ROBO2: variants seen among roughly 807,000 people sequenced by gnomAD.
ROBO2 encodes the protein roundabout homolog 2.
In ROBO2, 53 loss-of-function variants were observed where a neutral mutation model predicts 160.8. That is an observed-to-expected ratio of 0.33 (90% CI 0.26 to 0.41). The LOEUF is 0.41. Among genes scored for constraint, ROBO2 ranks in the 10% least tolerant of loss-of-function variants. The probability of loss-of-function intolerance (pLI) is 1.00; values close to 1 mark genes in which losing one functional copy is unlikely to be tolerated. For missense variants in ROBO2, 1,577 were observed against 1,722.4 expected (o/e 0.92, Z 1.49); for synonymous variants, 664 against 611.7 (o/e 1.09, Z -1.26).
chr3:76,741,189 A>G (rs928057673), intron 2 of ROBO2, among the ~76,000 whole-genome samples: 5 of 152,188 alleles, frequency 3.3e-5, no homozygotes, highest in African/African-American at 1.2e-4. Context: ...CACCAGAAAC[A>G]CCTTGTTTAT....
rs141826647 is a variant in ROBO2, at chr3:76,707,017, CATAT to C, written c.110-390986_110-390983del. On this transcript the variant is annotated intron_variant, in intron 2 of 26. Transcript: ENST00000487694. ...AAGTGTCTTTGTGTGTATATGTATA[CATAT>C]ATATATATATTCTAATGTGTGTATG... Among the ~76,000 whole-genome samples the C allele has an allele frequency of 2.0e-5, 3 of 150,164 alleles. No homozygotes were observed. The South Asian group carries it at 6.3e-4, about 32-fold the overall frequency.
chr3:77,522,053 T>C (rs964779204), intron 5 of ROBO2, among the ~76,000 whole-genome samples: 1 of 151,280 alleles, frequency 6.6e-6, no homozygotes, highest in Admixed American at 6.6e-5. Flanking sequence ...GTTTGTGTAA[T>C]TATAATTTCT....
intron 2 of ROBO2, among the ~76,000 whole-genome samples, chr3:76,030,805 C>G (rs1174183812): frequency 2.6e-5 from 4 of 152,136 alleles, no homozygotes; most frequent in Non-Finnish European, 5.9e-5. Flanking sequence ...TAGCGTGATG[C>G]CTCCAGCTTT....
At chr3:76,056,508 AG>A (rs199871454) in intron 2 of ROBO2, among the ~76,000 whole-genome samples, 3,128 of 147,554 alleles carry the variant, frequency 0.021, 44 homozygotes, top group East Asian at 0.081. Flanking sequence ...ATAAAATTGA[AG>A]AAAAAAAACC....
At chr3:76,538,946 A>G (rs2082665672) in intron 2 of ROBO2, among the ~76,000 whole-genome samples, 1 of 152,150 alleles carries the variant, frequency 6.6e-6, no homozygotes, top group Non-Finnish European at 1.5e-5. Context: ...AACCAACCCA[A>G]ATGCTCAACA....
At chr3:76,099,867 T>C (rs1464897331) in intron 2 of ROBO2, among the ~76,000 whole-genome samples, 1 of 152,314 alleles carries the variant, frequency 6.6e-6, no homozygotes, top group Non-Finnish European at 1.5e-5. Flanking sequence ...CTGTAGCCTT[T>C]TGGTCATGTT....
intron 2 of ROBO2, among the ~76,000 whole-genome samples, chr3:76,507,877 C>T (rs2080874050): frequency 6.6e-6 from 1 of 152,090 alleles, no homozygotes; most frequent in African/African-American, 2.4e-5. Flanking sequence ...CTGTCTCTTT[C>T]ATAGGAAATC....
At chr3:77,301,659 C>T (rs1474804505) in intron 2 of ROBO2, among the ~76,000 whole-genome samples, 1 of 152,178 alleles carries the variant, frequency 6.6e-6, no homozygotes, top group African/African-American at 2.4e-5. Flanking sequence ...CATAAACACT[C>T]CACTGAAAAA....
rs976319450 is a variant in ROBO2 at position 76,850,347 on chromosome 3, C to T, written c.110-247667C>T. ...AAGCAGTGATTATAGCTTAACCCTG[C>T]GCTGAGTACTTACAACAGAAGCTAG... On this transcript the variant is annotated intron_variant, in intron 2 of 26. Coordinates refer to the ROBO2 transcript ENST00000487694. Among the ~76,000 whole-genome samples the T allele has an allele frequency of 5.3e-5, 8 of 152,046 alleles. No individual in the cohort carries two copies. In the East Asian group the frequency reaches 9.7e-4, roughly 18 times the overall value.
chr3:75,976,228 A>G (rs536315521), intron 2 of ROBO2, among the ~76,000 whole-genome samples: 18 of 151,792 alleles, frequency 1.2e-4, no homozygotes, highest in African/African-American at 3.1e-4. Context: ...AAATGTGTAC[A>G]TGTGTTTAAA....
At chr3:76,611,609 T>C (rs2088133670) in intron 2 of ROBO2, among the ~76,000 whole-genome samples, 1 of 152,206 alleles carries the variant, frequency 6.6e-6, no homozygotes, top group Admixed American at 6.5e-5. Context: ...TAGTATCAGT[T>C]GTAATGTTTC....
chr3:76,814,414 G>A (rs1331359564), intron 2 of ROBO2, among the ~76,000 whole-genome samples: 1 of 152,072 alleles, frequency 6.6e-6, no homozygotes, highest in Non-Finnish European at 1.5e-5. Context: ...ATAAACCTTG[G>A]CAGCTGTCAC....
chr3:77,169,069 A>G (rs919908226), intron 2 of ROBO2, among the ~76,000 whole-genome samples: 10 of 152,218 alleles, frequency 6.6e-5, no homozygotes, highest in African/African-American at 2.4e-4. Flanking sequence ...CACTTGTTTA[A>G]TATAATGCTC....
intron 1 of ROBO2, among the ~76,000 whole-genome samples, chr3:77,083,502 A>G (rs1213873796): frequency 6.6e-6 from 1 of 152,080 alleles, no homozygotes; most frequent in Non-Finnish European, 1.5e-5. Context: ...ATCCGTTTGC[A>G]TTTTTTCTAG....
At chr3:77,627,314 C>T (rs1328722509) in intron 23 of ROBO2, among the ~76,000 whole-genome samples, 1 of 152,072 alleles carries the variant, frequency 6.6e-6, no homozygotes, top group African/African-American at 2.4e-5. Flanking sequence ...TTGTCTCGCT[C>T]TGTCACCCAG....
chr3:77,323,029 T>A (rs144953129), intron 2 of ROBO2, among the ~76,000 whole-genome samples: 101 of 1,994 alleles, frequency 0.051, no homozygotes, highest in Non-Finnish European at 0.16. Context: ...ATATAATATA[T>A]TATATTATAT....
intron 2 of ROBO2, among the ~76,000 whole-genome samples, chr3:76,577,963 T>G (rs1263757294): frequency 6.6e-6 from 1 of 152,156 alleles, no homozygotes; most frequent in African/African-American, 2.4e-5. Context: ...ATGCACTTCA[T>G]CTGTTGTTTC....
At chr3:77,119,085 A>G (rs1324471497) in intron 2 of ROBO2, among the ~76,000 whole-genome samples, 5 of 152,062 alleles carry the variant, frequency 3.3e-5, no homozygotes, top group Non-Finnish European at 5.9e-5. Context: ...ATCCTTTAAA[A>G]GTGTTTAGCA....
At chr3:77,062,520 A>C (rs2066425880) in intron 1 of ROBO2, among the ~76,000 whole-genome samples, 1 of 152,224 alleles carries the variant, frequency 6.6e-6, no homozygotes, top group Admixed American at 6.5e-5. Flanking sequence ...AGTGAGCAGA[A>C]GGGGCACAGC....
Sources: gnomAD v4.1 joint callset for allele counts (sites outside exome capture counted in the v4.1 genomes callset) on GRCh38, gnomAD v4.1.1 for gene constraint, MANE v1.5 for transcripts, NCBI Gene and HGNC (gene_info 2026-07-23, HGNC 2026-07-21) for gene names.